EDIL3: variants seen among roughly 807,000 people sequenced by gnomAD.
EDIL3 encodes the protein EGF like and discoidin domains 3.
In EDIL3, 37 loss-of-function variants were observed where a neutral mutation model predicts 67.4. The observed-to-expected ratio is 0.55, with a 90% confidence interval of 0.42 to 0.72. EDIL3 has a LOEUF of 0.72. EDIL3 is among the 30% of genes least tolerant of loss of function. The pLI, the probability that EDIL3 is intolerant of heterozygous loss-of-function variation, is 0.00. For missense variants in EDIL3, 527 were observed against 586.3 expected (o/e 0.90, Z 1.04); for synonymous variants, 195 against 196.3 (o/e 0.99, Z 0.05).
At position 83,946,361 on chromosome 5, in the gene EDIL3, G is replaced by A. The variant is rs1223692231; in HGVS notation, c.1294-2793C>T. The stretch of plus-strand genomic sequence containing the variant: ...ATGATATTGCTTAGAGGTCTCTCAG[G>A]CTTTTTCTAACATATGGGGCCTTGA... On this transcript the variant is annotated intron_variant, in intron 10 of 10. Transcript: ENST00000296591. Among the ~76,000 whole-genome samples, 3 of 151,876 alleles carry A rather than the reference G, an allele frequency of 2.0e-5. No homozygotes were observed. In the East Asian group the frequency reaches 5.8e-4, roughly 29 times the overall value.
intron 4 of EDIL3, among the ~76,000 whole-genome samples, chr5:84,167,962 T>C (rs566355294): frequency 2.6e-5 from 4 of 152,282 alleles, no homozygotes; most frequent in African/African-American, 9.6e-5. Context: ...GAGAGAATAA[T>C]TCTCATTTGG....
intron 3 of EDIL3, among the ~76,000 whole-genome samples, chr5:84,223,587 T>C (rs548059222): frequency 1.3e-4 from 19 of 151,646 alleles, no homozygotes; most frequent in African/African-American, 4.6e-4. Flanking sequence ...TTTGAATACA[T>C]AGAAATAGAG....
In EDIL3 at chr5:84,020,722, A is replaced by G. The variant is rs537809442; in HGVS notation, c.1137+39578T>C. Among the ~76,000 whole-genome samples the G allele has an allele frequency of 4.4e-3, 675 of 152,168 alleles. 3 individuals are homozygous for G. Among genetic ancestry groups the G allele is most frequent in the Non-Finnish European group, 6.8e-3 (461 of 67,984 alleles). On this transcript the variant is annotated intron_variant, in intron 9 of 10. Transcript: ENST00000296591. ...CCAAAAAGAACAGTATACATAATGG[A>G]AAAGTTATAAATATATACATCAATC...
chr5:84,037,640 A>G (rs1292075578), intron 9 of EDIL3, among the ~76,000 whole-genome samples: 1 of 152,220 alleles, frequency 6.6e-6, no homozygotes, highest in Non-Finnish European at 1.5e-5. Context: ...TTTAAATCTT[A>G]TTAGCATTTT....
intron 9 of EDIL3, among the ~76,000 whole-genome samples, chr5:84,053,054 G>T (rs547404818): frequency 1.3e-5 from 2 of 152,242 alleles, no homozygotes; most frequent in East Asian, 3.9e-4. Context: ...CCACACAGTT[G>T]GAAGTAAAGC....
intron 4 of EDIL3, among the ~76,000 whole-genome samples, chr5:84,172,442 C>G (rs1383623882): frequency 6.6e-6 from 1 of 151,846 alleles, no homozygotes; most frequent in African/African-American, 2.4e-5. Flanking sequence ...ATTAGCTCAG[C>G]ATGGTGGCAT....
chr5:84,318,273 C>T (rs1265034247), intron 1 of EDIL3, among the ~76,000 whole-genome samples: 1 of 152,152 alleles, frequency 6.6e-6, no homozygotes, highest in African/African-American at 2.4e-5. Context: ...CATCAAGCTA[C>T]CACAATTTTC....
chr5:83,956,024 T>C (rs534034542), intron 10 of EDIL3, among the ~76,000 whole-genome samples: 2 of 151,970 alleles, frequency 1.3e-5, no homozygotes, highest in African/African-American at 2.4e-5. Flanking sequence ...AAAAAATCAC[T>C]GAGCTCCTTC....
chr5:84,018,367 T>C (rs1745646510), intron 9 of EDIL3, among the ~76,000 whole-genome samples: 1 of 152,150 alleles, frequency 6.6e-6, no homozygotes, highest in South Asian at 2.1e-4. Flanking sequence ...TTCCTGATAA[T>C]TTAACTCTTG....
intron 9 of EDIL3, among the ~76,000 whole-genome samples, chr5:84,007,102 A>T (rs1037941749): frequency 6.6e-6 from 1 of 152,120 alleles, no homozygotes; most frequent in Admixed American, 6.6e-5. Flanking sequence ...ATAAGACTAG[A>T]CCACCATCTC....
chr5:84,014,217 G>T (rs950836662), intron 9 of EDIL3, among the ~76,000 whole-genome samples: 2 of 152,160 alleles, frequency 1.3e-5, no homozygotes, highest in East Asian at 3.8e-4. Context: ...TGGCTGTTTG[G>T]TTAGCTTGAG....
intron 9 of EDIL3, among the ~76,000 whole-genome samples, chr5:83,965,029 T>C (rs1309000796): frequency 6.6e-6 from 1 of 152,050 alleles, no homozygotes; most frequent in African/African-American, 2.4e-5. Flanking sequence ...AGATGTAACA[T>C]AATATGGTGT....
At chr5:84,182,957 T>C (rs1472061399) in intron 3 of EDIL3, among the ~76,000 whole-genome samples, 1 of 152,138 alleles carries the variant, frequency 6.6e-6, no homozygotes, top group Non-Finnish European at 1.5e-5. Context: ...GGAAAGAAGG[T>C]GAATGACCAA....
At chr5:84,109,890 G>T (rs762601050) in intron 5 of EDIL3, among the ~76,000 whole-genome samples, 4 of 152,108 alleles carry the variant, frequency 2.6e-5, no homozygotes, top group African/African-American at 9.7e-5. Flanking sequence ...TAAAATCGGG[G>T]TTATGATGAC....
intron 4 of EDIL3, among the ~76,000 whole-genome samples, chr5:84,173,731 G>A (rs1281333891): frequency 1.3e-5 from 2 of 152,144 alleles, no homozygotes; most frequent in African/African-American, 2.4e-5. Flanking sequence ...TAATGGAGAC[G>A]GGGCCATCCC....
At chr5:84,331,858 T>A (rs1379477463) in intron 1 of EDIL3, among the ~76,000 whole-genome samples, 1 of 152,180 alleles carries the variant, frequency 6.6e-6, no homozygotes, top group African/African-American at 2.4e-5. Context: ...TCTCAATCAA[T>A]GCTTCATGAA....
At chr5:84,012,873 A>G (rs1209192713) in intron 9 of EDIL3, among the ~76,000 whole-genome samples, 1 of 152,016 alleles carries the variant, frequency 6.6e-6, no homozygotes, top group African/African-American at 2.4e-5. Context: ...TACTCTACAA[A>G]TAGCTTTCAC....
At chr5:84,119,294 C>A (rs1043329862) in intron 5 of EDIL3, among the ~76,000 whole-genome samples, 4 of 122,290 alleles carry the variant, frequency 3.3e-5, no homozygotes, top group African/African-American at 6.2e-5. Flanking sequence ...AAATGTTATT[C>A]AATAATAAAA....
chr5:84,078,630 C>G (rs2112255225), intron 6 of EDIL3: 1 of 152,224 alleles, frequency 6.6e-6, no homozygotes, highest in South Asian at 2.1e-4. Flanking sequence ...ATACCTTACC[C>G]AGACTGATGA....
Sources: gnomAD v4.1 joint callset for allele counts (sites outside exome capture counted in the v4.1 genomes callset) on GRCh38, gnomAD v4.1.1 for gene constraint, MANE v1.5 for transcripts, NCBI Gene and HGNC (gene_info 2026-07-23, HGNC 2026-07-21) for gene names.